MYH9: variants seen among roughly 807,000 people sequenced by gnomAD.
MYH9 encodes the protein myosin heavy chain 9, also known as myosin-9.
MYH9 carries 29 observed loss-of-function variants against 241.9 expected under a neutral mutation model. The observed-to-expected ratio is 0.12, with a 90% confidence interval of 0.09 to 0.16. The LOEUF (loss-of-function observed/expected upper bound fraction) is 0.16. MYH9 is among the 10% of genes least tolerant of loss of function. The pLI, the probability that MYH9 is intolerant of heterozygous loss-of-function variation, is 1.00. For missense variants in MYH9, 1,803 were observed against 2,595.5 expected (o/e 0.69, Z 6.63); for synonymous variants, 1,047 against 1,062.6 (o/e 0.99, Z 0.29).
In MYH9 at chr22:36,320,326, G is replaced by C. The variant is rs375657864; in HGVS notation, c.906C>G (p.Phe302Leu). The C allele has an allele frequency of 5.6e-6, 9 of 1,614,060 alleles. No individual in the cohort carries two copies. The highest frequency in any genetic ancestry group is 7.6e-6 in the Non-Finnish European group (9 of 1,180,054). Residue 302 changes from phenylalanine (F) to leucine (L), a missense_variant, in exon 9 of 41, where the codon TTC becomes TTG. Transcript: ENST00000216181. This position sits in a 1 kb window ranked among gnomAD's most constrained non-coding sequence, Gnocchi z 4.8. Reference sequence around the variant, plus strand: ...GGATGGTGACGTGTCCATTGGACAGGAAGCGGTATTTGTTGTACGGCTCCA... The same window carrying C: ...GGATGGTGACGTGTCCATTGGACAGCAAGCGGTATTTGTTGTACGGCTCCA... The part of the protein sequence containing the change: ...LLLEPYNKYR[F>L]LSNGHVTIPG...
At chr22:36,385,933 GCCT>G (rs1305206498) in intron 1 of MYH9, among the ~76,000 whole-genome samples, 1 of 152,170 alleles carries the variant, frequency 6.6e-6, no homozygotes, top group Non-Finnish European at 1.5e-5. Context: ...CCTTGTAGCA[GCCT>G]CCTCCTTGCC....
rs768628153 is a variant in MYH9, at chr22:36,282,712, C to G, written c.5839G>C (p.Val1947Leu). ...KGAGDGSDEE[V>L]DGKADGAEAK... ...TCAGCCCCATCCGCTTTGCCATCTA[C>G]CTCTTCGTCGGAGCCATCCCCGGCG... Residue 1947 changes from valine (V) to leucine (L), a missense_variant, in exon 41 of 41, where the codon GTA becomes CTA. This residue lies in a region of MYH9 where 876 missense variants were observed against 1,077.8 expected (regional missense o/e 0.81). Coordinates refer to ENST00000216181, the MANE Select transcript of MYH9 (RefSeq NM_002473.6). The G allele has an allele frequency of 1.8e-5, 29 of 1,613,922 alleles. No homozygotes were observed. Among genetic ancestry groups the G allele is most frequent in the Non-Finnish European group, 5.1e-6 (6 of 1,180,054 alleles).
chr22:36,325,167 GGA>G (rs140194654), intron 5 of MYH9: 785 of 715,038 alleles, frequency 1.1e-3, no homozygotes, highest in Admixed American at 1.4e-3. Flanking sequence ...AGAGAGGGAT[GGA>G]GAGAGAGAGA....
intron 1 of MYH9, among the ~76,000 whole-genome samples, chr22:36,356,035 G>A (rs2017850776): frequency 6.6e-6 from 1 of 152,162 alleles, no homozygotes; most frequent in South Asian, 2.1e-4. Flanking sequence ...GCCAGGAGTT[G>A]ACCTAACCAA....
At position 36,326,665 on chromosome 22, in the gene MYH9, C is replaced by T. The variant is rs368352365; in HGVS notation, c.519-4G>A. ...CTTGCCAGCTCCAGATTCACCACTACCAAGAGAGGCAAGGAAGTCCCGGGC... is the reference window on the plus strand; with the variant it reads ...CTTGCCAGCTCCAGATTCACCACTATCAAGAGAGGCAAGGAAGTCCCGGGC... On this transcript the variant is annotated splice_polypyrimidine_tract_variant and splice_region_variant and intron_variant, in intron 4 of 40. Coordinates refer to ENST00000216181, the MANE Select transcript of MYH9 (RefSeq NM_002473.6). 5.0e-6 allele frequency: 8 copies of T among 1,613,750 alleles called. No homozygotes were observed. Among genetic ancestry groups the T allele is most frequent in the Non-Finnish European group, 5.9e-6 (7 of 1,179,628 alleles).
chr22:36,375,955 C>CTTTTTTTTTTTT, intron 1 of MYH9, among the ~76,000 whole-genome samples: 1 of 89,094 alleles, frequency 1.1e-5, no homozygotes, highest in Non-Finnish European at 2.1e-5. Flanking sequence ...TCAATAATTT[C>CTTTTTTTTTTTT]TTTTTTTTTT....
At chr22:36,378,066 G>A (rs1184831153) in intron 1 of MYH9, among the ~76,000 whole-genome samples, 1 of 151,788 alleles carries the variant, frequency 6.6e-6, no homozygotes, top group African/African-American at 2.4e-5. Context: ...CTTGAGCTCA[G>A]GAGTTTGAGA....
intron 1 of MYH9, among the ~76,000 whole-genome samples, chr22:36,386,080 A>C (rs529264318): frequency 3.4e-4 from 52 of 152,156 alleles, no homozygotes; most frequent in Non-Finnish European, 6.5e-4. Flanking sequence ...AAACTCCCCA[A>C]GGGCAGAGGC....
intron 24 of MYH9, among the ~76,000 whole-genome samples, chr22:36,298,527 G>C (rs1462137268): frequency 6.6e-6 from 1 of 152,222 alleles, no homozygotes; most frequent in East Asian, 1.9e-4. Flanking sequence ...TGGAGCTTAA[G>C]TCATAGCTGC....
chr22:36,386,300 G>C (rs1017674977), intron 1 of MYH9, among the ~76,000 whole-genome samples: 3 of 152,144 alleles, frequency 2.0e-5, no homozygotes, highest in African/African-American at 7.2e-5. Context: ...GGCACAGAGA[G>C]GGCAGTTAAA....
chr22:36,374,200 T>C (rs2018131383), intron 1 of MYH9, among the ~76,000 whole-genome samples: 1 of 152,022 alleles, frequency 6.6e-6, no homozygotes, highest in South Asian at 2.1e-4. Flanking sequence ...CCAGCCAACA[T>C]GGCAAAACCC....
rs727503285 is a variant in MYH9, at chr22:36,289,194, C to T, written c.4448G>A (p.Arg1483Gln). ...EKETKALSLA[R>Q]ALEEAMEQKA... ...CTGCTCCATGGCTTCCTCCAGGGCC[C>T]GGGCCAGCGACAGAGCCTTGGTCTC... is the stretch of plus-strand genomic sequence containing the variant. The change falls in exon 32 of 41, where the codon CGG becomes CAG. Residue 1483 changes from arginine (R) to glutamine (Q), a missense_variant. Arg to Gln is a conservative substitution (Grantham distance 43). Transcript: ENST00000216181. 14 of 1,613,406 alleles carry T rather than the reference C, an allele frequency of 8.7e-6. No homozygotes were observed. The highest frequency in any genetic ancestry group is 6.7e-5 in the East Asian group (3 of 44,898).
chr22:36,357,174 C>T (rs982783837), intron 1 of MYH9, among the ~76,000 whole-genome samples: 7 of 152,074 alleles, frequency 4.6e-5, no homozygotes, highest in African/African-American at 7.2e-5. Context: ...TGCAACTTGC[C>T]GTGGGAACAA....
intron 3 of MYH9, among the ~76,000 whole-genome samples, chr22:36,338,932 G>A (rs1453400375): frequency 2.0e-5 from 3 of 152,104 alleles, no homozygotes; most frequent in Admixed American, 6.5e-5. Flanking sequence ...ACCCTGAATT[G>A]CACAGATGTA....
At chr22:36,370,670 G>A (rs1389673968) in intron 1 of MYH9, among the ~76,000 whole-genome samples, 1 of 152,208 alleles carries the variant, frequency 6.6e-6, no homozygotes, top group Non-Finnish European at 1.5e-5. Context: ...ACTTAACAGA[G>A]GGGAGGAGCC....
At position 36,300,487 on chromosome 22, in the gene MYH9, C is replaced by A. The variant is rs2016859414; in HGVS notation, c.2839-223G>T. ...TAGGATTCCAGATTTCAAACTGGGA[C>A]ACAGGGCCAGAACATCGGTGCAATG... On this transcript the variant is annotated intron_variant, in intron 22 of 40. Coordinates refer to ENST00000216181, the MANE Select transcript of MYH9 (RefSeq NM_002473.6). The surrounding 1 kb of genome is among the most constrained non-coding windows in gnomAD (Gnocchi z 5.0). Among the ~76,000 whole-genome samples the A allele has an allele frequency of 6.6e-6, 1 of 152,240 alleles. No individual in the cohort carries two copies. Among genetic ancestry groups the A allele is most frequent in the African/African-American group, 2.4e-5 (1 of 41,456 alleles).
chr22:36,317,749 C>T (rs1021745105), intron 11 of MYH9, among the ~76,000 whole-genome samples: 1 of 152,236 alleles, frequency 6.6e-6, no homozygotes, highest in African/African-American at 2.4e-5. Context: ...AAGGAGCAAG[C>T]GCTGCTGCTC....
intron 34 of MYH9, among the ~76,000 whole-genome samples, chr22:36,287,257 T>C (rs1049861102): frequency 1.3e-5 from 2 of 152,148 alleles, no homozygotes; most frequent in Non-Finnish European, 2.9e-5. Flanking sequence ...ACTAAAGACC[T>C]TTGTCAAATA....
At chr22:36,385,815 A>C (rs2146433518) in intron 1 of MYH9, among the ~76,000 whole-genome samples, 1 of 152,198 alleles carries the variant, frequency 6.6e-6, no homozygotes, top group South Asian at 2.1e-4. Flanking sequence ...AATTACACTG[A>C]GCAATCTCTC....
Sources: gnomAD v4.1 joint callset for allele counts (sites outside exome capture counted in the v4.1 genomes callset) on GRCh38, gnomAD v4.1.1 for gene constraint, gnomAD v4.1.1 regional missense constraint, Gnocchi (gnomAD v3.1) non-coding constraint, MANE v1.5 for transcripts, NCBI Gene and HGNC (gene_info 2026-07-23, HGNC 2026-07-21) for gene names.